WWOX: variants seen among roughly 807,000 people sequenced by gnomAD.
The protein encoded by WWOX is WW domain containing oxidoreductase.
WWOX carries 69 observed loss-of-function variants against 46.2 expected under a neutral mutation model. The observed-to-expected ratio is 1.49, with a 90% confidence interval of 1.23 to 1.82. The LOEUF (loss-of-function observed/expected upper bound fraction) is 1.82. Ranked by LOEUF, WWOX falls within the 40% of genes most tolerant of loss-of-function variation. WWOX has a pLI of 0.00. For synonymous variants in WWOX, 359 were observed against 202.6 expected (o/e 1.77, Z -6.56); for missense variants, 919 against 542.6 (o/e 1.69, Z -6.89).
At chr16:78,826,832 G>T (rs772196282) in intron 8 of WWOX, among the ~76,000 whole-genome samples, 1 of 152,152 alleles carries the variant, frequency 6.6e-6, no homozygotes, top group Non-Finnish European at 1.5e-5. Context: ...CTCACCAGCT[G>T]TGTGACAATT....
chr16:78,543,907 T>C (rs528272895), intron 8 of WWOX, among the ~76,000 whole-genome samples: 6 of 152,304 alleles, frequency 3.9e-5, no homozygotes, highest in African/African-American at 1.4e-4. Context: ...TAATCATCAA[T>C]AAACTAACAT....
At chr16:78,512,224 A>G (rs979092469) in intron 8 of WWOX, among the ~76,000 whole-genome samples, 70 of 151,844 alleles carry the variant, frequency 4.6e-4, no homozygotes, top group Non-Finnish European at 7.1e-4. Context: ...TGGAGAAGAA[A>G]CTCCCGATAT....
chr16:78,394,331 C>A (rs371288247), intron 6 of WWOX, among the ~76,000 whole-genome samples: 1 of 152,078 alleles, frequency 6.6e-6, no homozygotes, highest in East Asian at 1.9e-4. Context: ...AAATCTAGCT[C>A]TTAATTATGA....
At chr16:78,279,227 T>G (rs2079634288) in intron 5 of WWOX, among the ~76,000 whole-genome samples, 1 of 152,194 alleles carries the variant, frequency 6.6e-6, no homozygotes, top group Admixed American at 6.5e-5. Flanking sequence ...AGAGATTGTG[T>G]TGTTTTAAAA....
intron 8 of WWOX, among the ~76,000 whole-genome samples, chr16:78,580,211 C>A (rs1481312350): frequency 6.6e-6 from 1 of 151,866 alleles, no homozygotes; most frequent in Non-Finnish European, 1.5e-5. Context: ...GTAGGTGGGA[C>A]TATAGGTGTG....
At chr16:78,595,250 C>G (rs1004830777) in intron 8 of WWOX, among the ~76,000 whole-genome samples, 1 of 151,828 alleles carries the variant, frequency 6.6e-6, no homozygotes, top group Non-Finnish European at 1.5e-5. Flanking sequence ...AGTCGTGGGA[C>G]TAGGGAAGTG....
At chr16:78,740,059 C>G (rs575919211) in intron 8 of WWOX, among the ~76,000 whole-genome samples, 4 of 152,168 alleles carry the variant, frequency 2.6e-5, no homozygotes, top group African/African-American at 7.2e-5. Flanking sequence ...ACTGACCCCA[C>G]TGTGGTCACC....
intron 8 of WWOX, among the ~76,000 whole-genome samples, chr16:78,848,508 G>A (rs2052357556): frequency 6.6e-6 from 1 of 152,190 alleles, no homozygotes; most frequent in Non-Finnish European, 1.5e-5. Context: ...GGTGGAGTGA[G>A]CACTGTGAAT....
intron 5 of WWOX, among the ~76,000 whole-genome samples, chr16:78,194,835 T>G (rs548837580): frequency 1.3e-5 from 2 of 152,326 alleles, no homozygotes; most frequent in East Asian, 3.9e-4. Context: ...CTTTTTATTC[T>G]TAGCACTTAG....
intron 8 of WWOX, among the ~76,000 whole-genome samples, chr16:79,039,476 A>C (rs567819805): frequency 2.6e-5 from 4 of 152,232 alleles, no homozygotes; most frequent in African/African-American, 9.6e-5. Flanking sequence ...ACCAGAGGCG[A>C]CGCATTTGCC....
At position 78,740,571 on chromosome 16, in the gene WWOX, G is replaced by A. The variant is rs116333037; in HGVS notation, c.1056+307819G>A. On this transcript the variant is annotated intron_variant, in intron 8 of 8. Coordinates refer to ENST00000566780, the MANE Select transcript of WWOX (RefSeq NM_016373.4). Reference sequence around the variant, plus strand: ...AGAGGGGGATTCCACAGTGTGTGGTGTGCAGAGAGCACTCGTCTTTCAGGC... The same window carrying A: ...AGAGGGGGATTCCACAGTGTGTGGTATGCAGAGAGCACTCGTCTTTCAGGC... 9.1e-3 allele frequency among the ~76,000 whole-genome samples: 1,391 copies of A among 152,246 alleles called. 23 individuals are homozygous for A. Among genetic ancestry groups the A allele is most frequent in the African/African-American group, 0.032 (1,334 of 41,538 alleles).
At chr16:78,954,734 A>G (rs911026672) in intron 8 of WWOX, among the ~76,000 whole-genome samples, 1 of 152,202 alleles carries the variant, frequency 6.6e-6, no homozygotes, top group African/African-American at 2.4e-5. Flanking sequence ...TAAAAATTAT[A>G]TAAAGTGCTA....
chr16:78,569,653 C>G (rs118119563), intron 8 of WWOX, among the ~76,000 whole-genome samples: 1 of 152,106 alleles, frequency 6.6e-6, no homozygotes, highest in African/African-American at 2.4e-5. Context: ...ATAGAGTAGA[C>G]ATAACATTTT....
intron 8 of WWOX, among the ~76,000 whole-genome samples, chr16:79,096,669 A>G (rs745658621): frequency 6.6e-6 from 1 of 152,068 alleles, no homozygotes; most frequent in Non-Finnish European, 1.5e-5. Flanking sequence ...TCCAAGCACA[A>G]TTTCCAGTTA....
intron 5 of WWOX, among the ~76,000 whole-genome samples, chr16:78,372,200 T>G (rs889170026): frequency 2.0e-5 from 3 of 152,208 alleles, no homozygotes; most frequent in African/African-American, 4.8e-5. Context: ...TTTTGCTCCC[T>G]TATTCTCACA....
intron 8 of WWOX, chr16:78,691,317 T>G (rs1391786608): frequency 2.9e-6 from 2 of 700,096 alleles, no homozygotes; most frequent in African/African-American, 3.5e-5. Flanking sequence ...TGTAAAAGAT[T>G]TACAATTATT....
chr16:78,204,675 G>T (rs1257629076), intron 5 of WWOX, among the ~76,000 whole-genome samples: 2 of 152,146 alleles, frequency 1.3e-5, no homozygotes, highest in African/African-American at 4.8e-5. Context: ...GGTGCATTCT[G>T]TTGCCATCTG....
intron 6 of WWOX, among the ~76,000 whole-genome samples, chr16:78,411,186 A>G (rs889619584): frequency 3.3e-5 from 5 of 152,306 alleles, no homozygotes; most frequent in African/African-American, 1.2e-4. Context: ...GGATTACACA[A>G]AAGTATGAAA....
chr16:78,356,884 AAAAC>A (rs1409297531), intron 5 of WWOX, among the ~76,000 whole-genome samples: 3 of 152,192 alleles, frequency 2.0e-5, no homozygotes, highest in Admixed American at 6.5e-5. Flanking sequence ...TCCATCTCAA[AAAAC>A]AAACAAAAAA....
Sources: gnomAD v4.1 joint callset for allele counts (sites outside exome capture counted in the v4.1 genomes callset) on GRCh38, gnomAD v4.1.1 for gene constraint, MANE v1.5 for transcripts, NCBI Gene and HGNC (gene_info 2026-07-23, HGNC 2026-07-21) for gene names.